PCGF5: variants seen among roughly 807,000 people sequenced by gnomAD.
PCGF5 encodes the protein polycomb group ring finger 5.
Under a neutral mutation model 44.3 loss-of-function variants are expected in PCGF5, and 9 were observed. That is an observed-to-expected ratio of 0.20 (90% confidence interval 0.12 to 0.35). The LOEUF (loss-of-function observed/expected upper bound fraction) is 0.35, where lower values mean the gene tolerates loss of function less well. Ranked by LOEUF, PCGF5 falls within the 10% of genes least tolerant of loss-of-function variation. The pLI is 1.00. For missense variants in PCGF5, 146 were observed against 305.3 expected, an observed-to-expected ratio of 0.48 and a Z score of 3.89; for synonymous variants, 95 against 102.5, an observed-to-expected ratio of 0.93 and a Z score of 0.44.
chr10:91,221,864 CA>C (rs1256892755), intron 1 of PCGF5, among the ~76,000 whole-genome samples: 1 of 151,922 alleles, frequency 6.6e-6, no homozygotes, highest in Non-Finnish European at 1.5e-5. Flanking sequence ...AAATAAAAGG[CA>C]AATGTAATAG....
rs1589376823 is a variant in PCGF5, at chr10:91,222,258, C to T, written c.-183-431C>T. 1.3e-5 allele frequency among the ~76,000 whole-genome samples: 2 copies of T among 152,228 alleles called. 1 individual carries two copies. Among genetic ancestry groups the T allele is most frequent in the East Asian group, 3.9e-4 (2 of 5,178 alleles). Reference sequence around the variant, plus strand: ...AGTAGAGCAGCCGGGCATGGAATAGCAGAGGATATCAACTTGGTTTGACTC... The same window carrying T: ...AGTAGAGCAGCCGGGCATGGAATAGTAGAGGATATCAACTTGGTTTGACTC... On this transcript the variant is annotated intron_variant, in intron 1 of 9. Transcript: ENST00000336126.
chr10:91,265,878 A>G (rs898557809), intron 8 of PCGF5, among the ~76,000 whole-genome samples: 24 of 152,232 alleles, frequency 1.6e-4, no homozygotes, highest in African/African-American at 4.8e-5. Flanking sequence ...ATTACATTCT[A>G]ACACCAGCCA....
chr10:91,182,240 G>A lies in PCGF5; in HGVS notation c.-184+19159G>A, dbSNP rs1409547925. On this transcript the variant is annotated intron_variant, in intron 1 of 9. Transcript: ENST00000614189. ...TCTTCTTTGTACAATTTCAGAACTC[G>A]TTATTGGTTTGTTCAGGGATTCAGT... Among the ~76,000 whole-genome samples, 8 of 151,454 alleles carry A rather than the reference G, an allele frequency of 5.3e-5. 1 individual carries two copies. The highest frequency in any genetic ancestry group is 2.1e-4 in the South Asian group (1 of 4,794).
intron 1 of PCGF5, among the ~76,000 whole-genome samples, chr10:91,210,810 CT>C (rs1234867800): frequency 6.6e-6 from 1 of 152,216 alleles, no homozygotes; most frequent in Admixed American, 6.5e-5. Context: ...ACTCAAATCA[CT>C]GTAACATCTC....
intron 1 of PCGF5, among the ~76,000 whole-genome samples, chr10:91,176,119 C>T (rs937238478): frequency 1.1e-4 from 17 of 152,194 alleles, no homozygotes; most frequent in Non-Finnish European, 2.1e-4. Flanking sequence ...GTGAAAAAAT[C>T]TCTCGGCATT....
intron 1 of PCGF5, among the ~76,000 whole-genome samples, chr10:91,187,874 G>A (rs1843955544): frequency 6.6e-6 from 1 of 151,820 alleles, no homozygotes; most frequent in South Asian, 2.1e-4. Context: ...TAAAAACTAA[G>A]TGACTTGACA....
chr10:91,263,487 T>C (rs1375089439), intron 7 of PCGF5, among the ~76,000 whole-genome samples: 1 of 152,210 alleles, frequency 6.6e-6, no homozygotes, highest in Non-Finnish European at 1.5e-5. Flanking sequence ...AACTGTAGTC[T>C]CTGTCTAGCC....
chr10:91,204,664 A>C (rs1279521777), intron 1 of PCGF5, among the ~76,000 whole-genome samples: 45 of 152,210 alleles, frequency 3.0e-4, no homozygotes, highest in Admixed American at 2.9e-3. Flanking sequence ...GAGAGCTCTG[A>C]GGATAAAAAT....
intron 7 of PCGF5, 92 bp from the exon 8 acceptor site, chr10:91,264,339 C>T (rs1845997251): frequency 1.0e-5 from 10 of 963,850 alleles, no homozygotes; most frequent in Non-Finnish European, 1.5e-5. Context: ...TTTGTTCCAA[C>T]TATTTGAATA....
At chr10:91,224,082 T>C (rs1347029199) in intron 2 of PCGF5, among the ~76,000 whole-genome samples, 2 of 152,202 alleles carry the variant, frequency 1.3e-5, no homozygotes, top group Non-Finnish European at 1.5e-5. Flanking sequence ...GCAAATTTTA[T>C]GTTACATTTA....
In PCGF5 at chr10:91,282,795, CTAA is replaced by C. The variant is rs975227670; in HGVS notation, c.*4483_*4485del. Reference sequence around the variant, plus strand: ...ATTTTCCAGAAAGCTAAGCTTTATACTAATAAGATATTGGTTGGTAGTAGGAAC... The same window carrying C: ...ATTTTCCAGAAAGCTAAGCTTTATACTAAGATATTGGTTGGTAGTAGGAAC... On this transcript the variant is annotated 3_prime_UTR_variant, in exon 10 of 10. Transcript: ENST00000336126. The C allele has an allele frequency of 6.6e-6, 1 of 152,526 alleles. No individual in the cohort carries two copies. The highest frequency in any genetic ancestry group is 1.5e-5 in the Non-Finnish European group (1 of 68,020). The allele number at this position is 152,526 out of a possible 1,614,324, so 9.4% of individuals were successfully genotyped here.
rs1025837071 is a variant in PCGF5, at chr10:91,279,370, T to C, written c.*1054T>C. On this transcript the variant is annotated 3_prime_UTR_variant, in exon 10 of 10. Coordinates refer to ENST00000336126, the MANE Select transcript of PCGF5 (RefSeq NM_032373.5). ...TTACCTTTCACATTTCCAAACTATG[T>C]GCATAAAATAGAATAAATGCAGTAT... The C allele has an allele frequency of 4.6e-5, 7 of 152,176 alleles. No individual in the cohort carries two copies. Among genetic ancestry groups the C allele is most frequent in the Non-Finnish European group, 1.0e-4 (7 of 68,016 alleles). 9.4% of individuals were successfully genotyped at this position (152,176 alleles called of 1,614,324 possible).
intron 1 of PCGF5, among the ~76,000 whole-genome samples, chr10:91,221,699 C>G (rs1210799340): frequency 6.8e-6 from 1 of 147,180 alleles, no homozygotes; most frequent in Non-Finnish European, 1.5e-5. Context: ...GTTGTGTTTT[C>G]TGAGAGGATA....
intron 8 of PCGF5, 138 bp from the exon 9 acceptor site, chr10:91,271,500 C>T: frequency 1.6e-6 from 1 of 613,068 alleles, no homozygotes; most frequent in Non-Finnish European, 2.7e-6. Flanking sequence ...AAAACAACCA[C>T]CATTTTTTTG....
upstream of PCGF5, among the ~76,000 whole-genome samples, chr10:91,159,663 C>T (rs1843356094): frequency 6.6e-6 from 1 of 152,182 alleles, no homozygotes; most frequent in Admixed American, 6.5e-5. Flanking sequence ...TTATGGCAGT[C>T]TGAACTGGGC....
chr10:91,213,761 A>T (rs1844495586), intron 1 of PCGF5, among the ~76,000 whole-genome samples: 1 of 151,954 alleles, frequency 6.6e-6, no homozygotes, highest in South Asian at 2.1e-4. Context: ...CTGGGATTAC[A>T]GGCGTGAGCC....
rs1589377251 is a variant in PCGF5 at position 91,222,893 on chromosome 10, T to C, written c.22T>C (p.Leu8=). The C allele has an allele frequency of 6.2e-7, 1 of 1,612,832 alleles. No individual in the cohort carries two copies. Among genetic ancestry groups the C allele is most frequent in the Non-Finnish European group, 8.5e-7 (1 of 1,178,818 alleles). ...ACGAATGGCTACCCAAAGGAAACAC[T>C]TGGTGAAAGATTTTAATCCTTACAT... MATQRKH[L]VKDFNPYITC... The change falls in exon 2 of 10, where the codon TTG becomes CTG. Residue 8 remains leucine, a synonymous_variant. Transcript: ENST00000336126.
chr10:91,270,851 T>G (rs961302359), intron 8 of PCGF5, among the ~76,000 whole-genome samples: 1 of 152,052 alleles, frequency 6.6e-6, no homozygotes, highest in Admixed American at 6.6e-5. Context: ...TTTTATGTTT[T>G]GTAGTCCAAT....
At chr10:91,205,290 GACACAC>G (rs55858066) in intron 1 of PCGF5, among the ~76,000 whole-genome samples, 4 of 149,322 alleles carry the variant, frequency 2.7e-5, no homozygotes, top group African/African-American at 9.8e-5. Flanking sequence ...TAAATGACTG[GACACAC>G]ACACACACAC....
Sources: gnomAD v4.1 joint callset for allele counts (sites outside exome capture counted in the v4.1 genomes callset) on GRCh38, gnomAD v4.1.1 for gene constraint, MANE v1.5 for transcripts, NCBI Gene and HGNC (gene_info 2026-07-23, HGNC 2026-07-21) for gene names.